Variants in CSMD2 observed in about 807,000 individuals in gnomAD.
CSMD2 encodes the protein CUB and Sushi multiple domains 2, also known as CUB and sushi domain-containing protein 2.
A neutral mutation model predicts 398.5 loss-of-function variants in CSMD2; 130 were observed. The ratio of observed to expected loss-of-function variants is 0.33; its 90% confidence interval spans 0.28 to 0.38. CSMD2 has a LOEUF of 0.38. Among genes scored for constraint, CSMD2 ranks in the 10% least tolerant of loss-of-function variants. CSMD2 has a pLI of 1.00. For synonymous variants in CSMD2, 1,828 were observed against 1,908.5 expected (o/e 0.96, Z 1.10); for missense variants, 3,829 against 4,764.9 (o/e 0.80, Z 5.78).
chr1:33,677,829 AC>A (rs1203977837), intron 25 of CSMD2, among the ~76,000 whole-genome samples: 1 of 151,766 alleles, frequency 6.6e-6, no homozygotes, highest in Non-Finnish European at 1.5e-5. Flanking sequence ...GAAGCTGGGA[AC>A]CATCATTCTC....
At chr1:33,913,646 T>G (rs1388366301) in intron 5 of CSMD2, among the ~76,000 whole-genome samples, 1 of 152,172 alleles carries the variant, frequency 6.6e-6, no homozygotes, top group South Asian at 2.1e-4. Flanking sequence ...ACACAACTAC[T>G]GAGAGGTGGC....
At chr1:33,925,751 A>T (rs1213046568) in intron 4 of CSMD2, among the ~76,000 whole-genome samples, 1 of 152,072 alleles carries the variant, frequency 6.6e-6, no homozygotes, top group African/African-American at 2.4e-5. Flanking sequence ...AAAGTGGAAT[A>T]CCCGATGACT....
intron 28 of CSMD2, among the ~76,000 whole-genome samples, chr1:33,647,238 G>C (rs982217440): frequency 1.3e-5 from 2 of 152,086 alleles, no homozygotes; most frequent in African/African-American, 4.8e-5. Context: ...TTTTCTAAGA[G>C]AGAATGAGCC....
chr1:33,836,182 T>C (rs1264047100), intron 6 of CSMD2, among the ~76,000 whole-genome samples: 2 of 152,196 alleles, frequency 1.3e-5, no homozygotes, highest in Non-Finnish European at 2.9e-5. Context: ...ACAGCAGATA[T>C]TGGTGAACAG....
At chr1:33,836,740 G>A (rs993500980) in intron 6 of CSMD2, among the ~76,000 whole-genome samples, 1 of 152,180 alleles carries the variant, frequency 6.6e-6, no homozygotes, top group East Asian at 1.9e-4. Flanking sequence ...GGAGTGACCC[G>A]ATTTTCCAGG....
intron 5 of CSMD2, among the ~76,000 whole-genome samples, chr1:33,912,378 G>A (rs947805166): frequency 6.6e-6 from 1 of 151,274 alleles, no homozygotes; most frequent in Non-Finnish European, 1.5e-5. Context: ...TCCCACGGGT[G>A]GAAAGGAGCT....
At position 33,724,622 on chromosome 1, in the gene CSMD2, G is replaced by T. The variant is rs535129082; in HGVS notation, c.2778C>A (p.Gly926=). 7.4e-6 allele frequency: 12 copies of T among 1,614,126 alleles called. No individual in the cohort carries two copies. Among genetic ancestry groups the T allele is most frequent in the Admixed American group, 3.3e-5 (2 of 60,022 alleles). Residue 926 remains glycine, a synonymous_variant, in exon 18 of 71, where the codon GGC becomes GGA. Coordinates refer to ENST00000373381, the MANE Select transcript of CSMD2 (RefSeq NM_001281956.2). ...GQRHGNDFYV[G]ALVTFSCDSG... is the part of the protein sequence containing the mutation. ...AGTCACAGCTGAAGGTCACCAGCGC[G>T]CCCACGTAGAAGTCATTCCCATGAC...
chr1:33,965,655 A>G lies in CSMD2; in HGVS notation c.518-29701T>C, dbSNP rs139681715. 3.7e-4 allele frequency among the ~76,000 whole-genome samples: 56 copies of G among 152,304 alleles called. 1 individual carries two copies. The highest frequency in any genetic ancestry group is 1.3e-3 in the African/African-American group (54 of 41,566). ...AAAAATACTTCCTGTCTACCAGTTT[A>G]TTAAATACAGGTAAGAATGGCTACC... is the stretch of plus-strand genomic sequence containing the variant. On this transcript the variant is annotated intron_variant, in intron 3 of 70. Coordinates refer to ENST00000373381, the MANE Select transcript of CSMD2 (RefSeq NM_001281956.2).
chr1:34,100,594 T>C (rs910704024), intron 1 of CSMD2, among the ~76,000 whole-genome samples: 6 of 152,236 alleles, frequency 3.9e-5, no homozygotes, highest in African/African-American at 7.2e-5. Flanking sequence ...TTTTCTTTTG[T>C]AACAATTCAG....
rs1421721104 is a variant in CSMD2, at chr1:33,533,240, G to A, written c.9992-11C>T. ...GCCTGCAGTGGTGGGCTGGATGAGA[G>A]GAAAGACCCTGTTGGACTGGAGGAG... On this transcript the variant is annotated splice_polypyrimidine_tract_variant and intron_variant, in intron 63 of 70. Transcript: ENST00000373381. This position sits in a 1 kb window ranked among gnomAD's most constrained non-coding sequence, Gnocchi z 4.2. 1 of 1,613,114 alleles carries A rather than the reference G, an allele frequency of 6.2e-7. No individual in the cohort carries two copies. Among genetic ancestry groups the A allele is most frequent in the Non-Finnish European group, 8.5e-7 (1 of 1,179,728 alleles).
chr1:33,942,684 C>A (rs1310128975), intron 3 of CSMD2, among the ~76,000 whole-genome samples: 1 of 152,262 alleles, frequency 6.6e-6, no homozygotes. Flanking sequence ...AGAGCCTCGG[C>A]TGCTCCAGGA....
Position 33,559,308 on chromosome 1 carries a change from G to A in CSMD2, c.8546C>T (p.Thr2849Ile). 1 of 1,535,096 alleles carries A rather than the reference G, an allele frequency of 6.5e-7. No individual in the cohort carries two copies. The highest frequency in any genetic ancestry group is 8.7e-7 in the Non-Finnish European group (1 of 1,146,820). The change falls in exon 54 of 71, where the codon ACC becomes ATC. Residue 2849 changes from threonine to isoleucine, a missense_variant. By Grantham distance (89) the Thr-to-Ile change is moderately conservative (BLOSUM62 -1). Coordinates refer to ENST00000373381, the MANE Select transcript of CSMD2 (RefSeq NM_001281956.2). This position sits in a 1 kb window ranked among gnomAD's most constrained non-coding sequence, Gnocchi z 4.0. ...GAGAAAGGGTGACTCACTTCTGCAG[G>A]TGGGCAGCATGTCACTCCATTGCCC... The part of the protein sequence containing the change: ...ASGQWSDMLP[T>I]CRIINCTDPG...
chr1:34,088,041 G>T (rs1029696997), intron 2 of CSMD2, among the ~76,000 whole-genome samples: 12 of 152,226 alleles, frequency 7.9e-5, no homozygotes, highest in African/African-American at 2.9e-4. Flanking sequence ...GGAAAGAGAA[G>T]AGGGCTGAAG....
rs577080186 is a variant in CSMD2 at position 33,763,831 on chromosome 1, G to A, written c.1846+8738C>T. Among the ~76,000 whole-genome samples, 46 of 152,256 alleles carry A rather than the reference G, an allele frequency of 3.0e-4. No individual in the cohort carries two copies. In the South Asian group the frequency reaches 9.5e-3, roughly 32 times the overall value. Reference sequence around the variant, plus strand: ...TGGCTGCACAGAGCCAGTAACTGGTGGGCTTGTGAGAAGCCCAGCATACAT... The same window carrying A: ...TGGCTGCACAGAGCCAGTAACTGGTAGGCTTGTGAGAAGCCCAGCATACAT... On this transcript the variant is annotated intron_variant, in intron 13 of 70. Coordinates refer to ENST00000373381, the MANE Select transcript of CSMD2 (RefSeq NM_001281956.2).
chr1:33,649,750 T>C (rs1557675327), intron 28 of CSMD2, among the ~76,000 whole-genome samples: 1 of 152,224 alleles, frequency 6.6e-6, no homozygotes, highest in Non-Finnish European at 1.5e-5. Flanking sequence ...CAAGAACCTG[T>C]TGATGATACT....
In CSMD2 at chr1:33,559,430, A is replaced by T. The variant is rs16835593; in HGVS notation, c.8424T>A (p.Thr2808=). The stretch of plus-strand genomic sequence containing the variant: ...CGTTGAGGTTAAACTGGTTACCCTG[A>T]GTGAGGCCGTTGACAGGGTTGCCTG... ...GHPGNPVNGL[T]QGNQFNLNDV... The change falls in exon 54 of 71, where the codon ACT becomes ACA. Residue 2808 remains threonine (T), a synonymous_variant. Transcript: ENST00000373381. This position sits in a 1 kb window ranked among gnomAD's most constrained non-coding sequence, Gnocchi z 4.0. 1 of 1,536,040 alleles carries T rather than the reference A, an allele frequency of 6.5e-7. No homozygotes were observed. Among genetic ancestry groups the T allele is most frequent in the South Asian group, 1.2e-5 (1 of 84,048 alleles).
chr1:33,818,473 C>T (rs1657727479), intron 9 of CSMD2, among the ~76,000 whole-genome samples: 1 of 152,178 alleles, frequency 6.6e-6, no homozygotes, highest in Non-Finnish European at 1.5e-5. Context: ...TCAATCTCCA[C>T]ATTAAACAGA....
chr1:33,935,661 G>T (rs933778586), intron 4 of CSMD2, 99 bp downstream of exon 4: 5 of 1,263,294 alleles, frequency 4.0e-6, no homozygotes, highest in Non-Finnish European at 5.4e-6. Flanking sequence ...CTCCCTGCTG[G>T]GGTGTAGCTT....
intron 6 of CSMD2, among the ~76,000 whole-genome samples, chr1:33,828,126 T>C (rs978861407): frequency 2.0e-5 from 3 of 152,240 alleles, no homozygotes. Context: ...CACGGAGTCA[T>C]AGCCTCCCAA....
Sources: gnomAD v4.1 joint callset for allele counts (sites outside exome capture counted in the v4.1 genomes callset) on GRCh38, gnomAD v4.1.1 for gene constraint, Gnocchi (gnomAD v3.1) non-coding constraint, MANE v1.5 for transcripts, NCBI Gene and HGNC (gene_info 2026-07-23, HGNC 2026-07-21) for gene names.